Variants in PLXNA4 observed in about 807,000 individuals in gnomAD.
The protein encoded by PLXNA4 is plexin A4.
In PLXNA4, 44 loss-of-function variants were observed where a neutral mutation model predicts 191.8. The observed-to-expected ratio is 0.23, with a 90% confidence interval of 0.18 to 0.29. The LOEUF (loss-of-function observed/expected upper bound fraction) is 0.29, where lower values mean the gene tolerates loss of function less well. Ranked by LOEUF, PLXNA4 falls within the 10% of genes least tolerant of loss-of-function variation. PLXNA4 has a pLI of 1.00. For synonymous variants in PLXNA4, 1,082 were observed against 1,009.5 expected (o/e 1.07, Z -1.36); for missense variants, 1,800 against 2,488.8 (o/e 0.72, Z 5.89).
At chr7:132,400,083 G>A (rs1056155364) in intron 3 of PLXNA4, among the ~76,000 whole-genome samples, 12 of 151,876 alleles carry the variant, frequency 7.9e-5, no homozygotes, top group East Asian at 1.9e-4. Flanking sequence ...TCCTACCCCC[G>A]GAGAAAAAAT....
chr7:132,575,630 C>G (rs1802190765), intron 1 of PLXNA4, among the ~76,000 whole-genome samples: 1 of 152,202 alleles, frequency 6.6e-6, no homozygotes. Context: ...TGTCTGCTTG[C>G]TGCTAAGCAG....
At chr7:132,391,217 G>A (rs1469177657) in intron 3 of PLXNA4, among the ~76,000 whole-genome samples, 1 of 152,202 alleles carries the variant, frequency 6.6e-6, no homozygotes, top group African/African-American at 2.4e-5. Context: ...ATGCTGCAAG[G>A]TGGCATCAGG....
At chr7:132,633,363 A>C (rs1310749284) in intron 2 of PLXNA4, among the ~76,000 whole-genome samples, 1 of 150,696 alleles carries the variant, frequency 6.6e-6, no homozygotes, top group Non-Finnish European at 1.5e-5. Flanking sequence ...GCTCAATGCA[A>C]TCTCCACCTC....
intron 9 of PLXNA4, 65 bp downstream of exon 9, chr7:132,223,462 G>A: frequency 2.2e-6 from 3 of 1,350,758 alleles, no homozygotes; most frequent in Non-Finnish European, 2.1e-6. Context: ...TTAAGGGAAT[G>A]CCTCTCTTCT....
chr7:132,357,699 G>A (rs1032747592), intron 3 of PLXNA4, among the ~76,000 whole-genome samples: 1 of 152,196 alleles, frequency 6.6e-6, no homozygotes, highest in Non-Finnish European at 1.5e-5. Context: ...TTTGTAGAAA[G>A]CCACTCAGCC....
At chr7:132,608,195 T>TCACC (rs1802978378) in intron 2 of PLXNA4, among the ~76,000 whole-genome samples, 1 of 41,526 alleles carries the variant, frequency 2.4e-5, no homozygotes, top group Non-Finnish European at 5.5e-5. Context: ...ATCACCACCA[T>TCACC]GGCCACCATG....
At chr7:132,218,562 T>C (rs564459666) in intron 9 of PLXNA4, among the ~76,000 whole-genome samples, 5 of 152,244 alleles carry the variant, frequency 3.3e-5, no homozygotes, top group South Asian at 2.1e-4. Flanking sequence ...GGATTTGCTT[T>C]TGCAAGGAAG....
rs1434116623 is a variant in PLXNA4, at chr7:132,124,748, G to A, written c.*5731C>T. 6.6e-6 allele frequency: 1 copy of A among 152,226 alleles called. No homozygotes were observed. The highest frequency in any genetic ancestry group is 1.5e-5 in the Non-Finnish European group (1 of 68,044). 9.4% of individuals were successfully genotyped at this position (152,226 alleles called of 1,614,324 possible). ...AGAGCCAAGCATAGACATCAAAGCG[G>A]GTGGGAATGGAATAAAGTGAGGCTC... On this transcript the variant is annotated 3_prime_UTR_variant, in exon 32 of 32. Transcript: ENST00000321063.
intron 10 of PLXNA4, among the ~76,000 whole-genome samples, chr7:132,209,130 T>A (rs1054022545): frequency 2.0e-5 from 3 of 152,262 alleles, no homozygotes; most frequent in Non-Finnish European, 4.4e-5. Context: ...TAACTCATGC[T>A]GTTGTCTGGA....
intron 1 of PLXNA4, among the ~76,000 whole-genome samples, chr7:132,564,272 T>C (rs1585356053): frequency 7.0e-5 from 7 of 99,760 alleles, no homozygotes; most frequent in Non-Finnish European, 1.0e-4. Flanking sequence ...CTCCTCTCCT[T>C]TTCCTCCTCC....
rs371000195 is a variant in PLXNA4 at position 132,385,138 on chromosome 7, T to A, written c.1372-86916A>T. 10 of 1,607,440 alleles carry A rather than the reference T, an allele frequency of 6.2e-6. No individual in the cohort carries two copies. In the African/African-American group the frequency reaches 1.3e-4, roughly 21 times the overall value. ...TCTCATCTGTTTCCATTTTCCAATA[T>A]CCAAGGCTGACAACACACTAAATAA... On this transcript the variant is annotated intron_variant, in intron 3 of 31. Coordinates refer to ENST00000321063, the MANE Select transcript of PLXNA4 (RefSeq NM_020911.2).
intron 1 of PLXNA4, among the ~76,000 whole-genome samples, chr7:132,534,371 T>C (rs922773365): frequency 6.6e-6 from 1 of 152,086 alleles, no homozygotes; most frequent in Non-Finnish European, 1.5e-5. Context: ...AGAGGGCCCA[T>C]GAAACAGCAG....
chr7:132,469,874 G>A (rs2117409269), intron 3 of PLXNA4, among the ~76,000 whole-genome samples: 1 of 152,316 alleles, frequency 6.6e-6, no homozygotes, highest in South Asian at 2.1e-4. Context: ...CATAAGCCTG[G>A]TCAGTCACAG....
intron 2 of PLXNA4, among the ~76,000 whole-genome samples, chr7:132,596,883 A>C (rs1475218823): frequency 6.8e-6 from 1 of 147,954 alleles, no homozygotes; most frequent in African/African-American, 2.5e-5. Flanking sequence ...AAAAAACAGC[A>C]TGGAACCTGG....
In PLXNA4 at chr7:132,164,310, T is replaced by G. The variant is rs542534037; in HGVS notation, c.4354-22A>C. 4 of 1,612,482 alleles carry G rather than the reference T, an allele frequency of 2.5e-6. No homozygotes were observed. The East Asian group carries it at 8.9e-5, about 36-fold the overall frequency. ...ACTCCTGGAGGTGAGAAGAACGTCATTAGGAGGAGCTCTTGGAACACTGGA... is the reference window on the plus strand; with the variant it reads ...ACTCCTGGAGGTGAGAAGAACGTCAGTAGGAGGAGCTCTTGGAACACTGGA... On this transcript the variant is annotated intron_variant, in intron 23 of 31. Coordinates refer to ENST00000321063, the MANE Select transcript of PLXNA4 (RefSeq NM_020911.2).
At chr7:132,318,976 C>G (rs1802059478) in intron 3 of PLXNA4, among the ~76,000 whole-genome samples, 2 of 152,116 alleles carry the variant, frequency 1.3e-5, no homozygotes, top group African/African-American at 4.8e-5. Flanking sequence ...ACGCCTGGCC[C>G]CGCAGCGCTT....
intron 3 of PLXNA4, among the ~76,000 whole-genome samples, chr7:132,449,016 C>A (rs111724302): frequency 7.3e-6 from 1 of 137,572 alleles, no homozygotes; most frequent in Non-Finnish European, 1.5e-5. Flanking sequence ...AATTGAATCA[C>A]TTTGAATTGA....
chr7:132,573,610 C>T (rs1802076403), intron 1 of PLXNA4, among the ~76,000 whole-genome samples: 1 of 151,368 alleles, frequency 6.6e-6, no homozygotes, highest in Non-Finnish European at 1.5e-5. Context: ...GCAGATTTCC[C>T]TGTCTGCAGG....
intron 2 of PLXNA4, among the ~76,000 whole-genome samples, chr7:132,590,846 T>C (rs1450647777): frequency 2.0e-5 from 3 of 152,166 alleles, no homozygotes; most frequent in Non-Finnish European, 4.4e-5. Context: ...CTCATCTAGC[T>C]GCTCAAGCAG....
Sources: allele counts gnomAD v4.1 joint callset (sites outside exome capture counted in the v4.1 genomes callset), GRCh38; gene constraint gnomAD v4.1.1; transcripts MANE v1.5; gene names NCBI Gene and HGNC (gene_info 2026-07-23, HGNC 2026-07-21).